The following ZNF91 variants were observed in gnomAD, a reference collection of about 807,000 sequenced individuals.
The protein encoded by ZNF91 is zinc finger protein 91.
In ZNF91, 7 loss-of-function variants were observed where a neutral mutation model predicts 12.6. The ratio of observed to expected loss-of-function variants is 0.55; its 90% confidence interval spans 0.31 to 1.04. The LOEUF is 1.04. ZNF91 is among the 50% of genes least tolerant of loss of function. The probability of loss-of-function intolerance (pLI) is 0.05; values close to 1 mark genes in which losing one functional copy is unlikely to be tolerated. For missense variants in ZNF91, 1,217 were observed against 1,385.4 expected, an observed-to-expected ratio of 0.88 and a Z score of 1.93; for synonymous variants, 453 against 462.6, an observed-to-expected ratio of 0.98 and a Z score of 0.27.
upstream of ZNF91, among the ~76,000 whole-genome samples, chr19:23,311,406 T>G (rs1239650899): frequency 6.6e-6 from 1 of 152,168 alleles, no homozygotes; most frequent in African/African-American, 2.4e-5. Context: ...TTACGATATA[T>G]TTTTTATGTC....
Position 23,390,468 on chromosome 19 carries a change from T to TG in ZNF91, c.30+4856dup, listed in dbSNP as rs57123476. On this transcript the variant is annotated intron_variant, in intron 1 of 3. Transcript: ENST00000300619. ...TGTGTTCTCCAAGAACACTTTATGG[T>TG]GGGGGGGCGGAAAAACCCTTTTCAT... is the stretch of plus-strand genomic sequence containing the variant. Among the ~76,000 whole-genome samples, 296 of 152,118 alleles carry TG rather than the reference T, an allele frequency of 1.9e-3. 1 individual carries two copies. Among genetic ancestry groups the TG allele is most frequent in the African/African-American group, 5.8e-3 (242 of 41,502 alleles).
intron 3 of ZNF91, among the ~76,000 whole-genome samples, chr19:23,342,984 T>C (rs1247771186): frequency 2.0e-5 from 3 of 152,214 alleles, no homozygotes; most frequent in Non-Finnish European, 2.9e-5. Flanking sequence ...TTACAGAGAC[T>C]GGAATTATCC....
At chr19:23,325,413 C>A (rs914082912) in intron 1 of ZNF91, 3 of 152,132 alleles carry the variant, frequency 2.0e-5, no homozygotes, top group African/African-American at 7.2e-5. Context: ...TCTGTTCCTG[C>A]AGAGTGCCCT....
At chr19:23,306,818 T>G (rs1397205005) in intron 3 of ZNF91, 12 of 151,956 alleles carry the variant, frequency 7.9e-5, no homozygotes, top group Non-Finnish European at 8.8e-5. Flanking sequence ...TGAGATGGAG[T>G]CTTGCTGTGT....
intron 1 of ZNF91, among the ~76,000 whole-genome samples, chr19:23,323,308 TCTTC>T (rs894475314): frequency 7.1e-5 from 10 of 141,604 alleles, no homozygotes; most frequent in African/African-American, 2.3e-4. Flanking sequence ...CTCTTCCTCA[TCTTC>T]CTTTTCTCCA....
chr19:23,324,896 T>C (rs1269664162), intron 1 of ZNF91: 1 of 151,964 alleles, frequency 6.6e-6, no homozygotes, highest in Non-Finnish European at 1.5e-5. Context: ...GCCCTTTTCA[T>C]AGAGCGCTGT....
chr19:23,330,681 CTG>C (rs59727698), intron 1 of ZNF91, among the ~76,000 whole-genome samples: 13,929 of 152,038 alleles, frequency 0.092, 855 homozygotes, highest in African/African-American at 0.17. Context: ...ATAAGAGAAA[CTG>C]AATATAAAGG....
chr19:23,330,863 A>G (rs1967917147), intron 1 of ZNF91, among the ~76,000 whole-genome samples: 1 of 152,206 alleles, frequency 6.6e-6, no homozygotes, highest in South Asian at 2.1e-4. Flanking sequence ...ACTGTGACCC[A>G]AGCGTATGCA....
At chr19:23,350,504 A>G (rs924609064) in intron 3 of ZNF91, among the ~76,000 whole-genome samples, 1 of 152,150 alleles carries the variant, frequency 6.6e-6, no homozygotes, top group African/African-American at 2.4e-5. Flanking sequence ...AGAATACCCC[A>G]AAAATTAAGT....
At chr19:23,386,361 T>C (rs950018121) in intron 1 of ZNF91, among the ~76,000 whole-genome samples, 2 of 152,000 alleles carry the variant, frequency 1.3e-5, no homozygotes, top group African/African-American at 4.8e-5. Context: ...AAAGTAAACA[T>C]AAGCAAAACA....
rs139015019 is a variant in ZNF91 at position 23,362,723 on chromosome 19, T to G, written c.256A>C (p.Ile86Leu). 6.9e-7 allele frequency: 1 copy of G among 1,447,292 alleles called. No homozygotes were observed. Among genetic ancestry groups the G allele is most frequent in the East Asian group, 2.4e-5 (1 of 42,442 alleles). The allele number at this position is 1,447,292 out of a possible 1,614,324, so 89.7% of individuals were successfully genotyped here. The stretch of plus-strand genomic sequence containing the variant: ...AAGTCTTGAGGAAAATGAGGACATA[T>G]ACCTGAAAAAAAAAAACTAAAAATA... ...QHEMVDEPTG[I>L]CPHFPQDFWP... Residue 86 changes from isoleucine (I) to leucine (L), a missense_variant and splice_region_variant, in exon 4 of 4, where the codon ATA (isoleucine) becomes CTA (leucine). Transcript: ENST00000300619.
Position 23,360,223 on chromosome 19 carries a change from A to C in ZNF91, c.2756T>G (p.Phe919Cys). 1 of 1,613,882 alleles carries C rather than the reference A, an allele frequency of 6.2e-7. No individual in the cohort carries two copies. Among genetic ancestry groups the C allele is most frequent in the Non-Finnish European group, 8.5e-7 (1 of 1,180,012 alleles). Residue 919 changes from phenylalanine (F) to cysteine (C), a missense_variant, in exon 4 of 4, where the codon TTT becomes TGT. Physicochemically the swap from Phe to Cys is radical, Grantham distance 205. This residue lies in a region of ZNF91 where 491 missense variants were observed against 489.8 expected (regional missense o/e 1.00). Coordinates refer to ENST00000300619, the MANE Select transcript of ZNF91 (RefSeq NM_003430.4). ...TYKCEECGKAFSQPSHLTTHK... is the reference protein window; with the variant it reads ...TYKCEECGKACSQPSHLTTHK... ...TGTAGTAAGGTGTGAAGGCTGGCTAAATGCTTTGCCACATTCTTCACATTT... is the reference window on the plus strand; with the variant it reads ...TGTAGTAAGGTGTGAAGGCTGGCTACATGCTTTGCCACATTCTTCACATTT...
chr19:23,332,211 T>A (rs1202725773), intron 1 of ZNF91, among the ~76,000 whole-genome samples: 2 of 152,176 alleles, frequency 1.3e-5, no homozygotes, highest in Non-Finnish European at 2.9e-5. Context: ...AAGTCAATAA[T>A]CAAAAGTTGA....
chr19:23,375,419 A>G (rs939836074), intron 1 of ZNF91, among the ~76,000 whole-genome samples: 43 of 152,122 alleles, frequency 2.8e-4, no homozygotes, highest in African/African-American at 9.9e-4. Context: ...TCGGCCTCCC[A>G]AAGTGCTGGG....
chr19:23,374,577 A>G (rs936986802), intron 2 of ZNF91, 61 bp downstream of exon 2: 22 of 1,460,040 alleles, frequency 1.5e-5, no homozygotes, highest in South Asian at 8.8e-5. Context: ...AAAAAAAAAA[A>G]AAAGAAAAGA....
chr19:23,355,950 T>C (rs1968474561), downstream of ZNF91, among the ~76,000 whole-genome samples: 1 of 152,192 alleles, frequency 6.6e-6, no homozygotes, highest in East Asian at 1.9e-4. Flanking sequence ...CACAATGCGA[T>C]ACCACCTTAT....
rs1968531733 is a variant in ZNF91 at position 23,357,814 on chromosome 19, G to T, written c.*1589C>A. 1 of 152,000 alleles carries T rather than the reference G, an allele frequency of 6.6e-6. No individual in the cohort carries two copies. The highest frequency in any genetic ancestry group is 1.5e-5 in the Non-Finnish European group (1 of 67,984). 9.4% of individuals were successfully genotyped at this position (152,000 alleles called of 1,614,324 possible). A position where few individuals can be genotyped will look rare whatever the true frequency, so the allele number is the denominator to read the frequency against. On this transcript the variant is annotated 3_prime_UTR_variant, in exon 4 of 4. Transcript: ENST00000300619. ...CTAAAACTGTAGAATTGAATTATTT[G>T]TAATACAAAGAATAAATGCTAGAGG...
chr19:23,313,471 T>C (rs1234708663), upstream of ZNF91, among the ~76,000 whole-genome samples: 2 of 152,212 alleles, frequency 1.3e-5, no homozygotes, highest in African/African-American at 4.8e-5. Flanking sequence ...GATGTATCAG[T>C]GGGCCCGGAA....
At chr19:23,357,444 T>C (rs756309979), downstream of ZNF91, among the ~76,000 whole-genome samples, 2 of 152,178 alleles carry the variant, frequency 1.3e-5, no homozygotes, top group Non-Finnish European at 2.9e-5. Flanking sequence ...GAATTTTTGT[T>C]TTGTAGTAAA....
Sources: allele counts gnomAD v4.1 joint callset (sites outside exome capture counted in the v4.1 genomes callset), GRCh38; gene constraint gnomAD v4.1.1; regional missense constraint gnomAD v4.1.1; transcripts MANE v1.5; gene names NCBI Gene and HGNC (gene_info 2026-07-23, HGNC 2026-07-21).